Variants in DARS2 observed in about 807,000 individuals in gnomAD.
The protein encoded by DARS2 is aspartyl-tRNA synthetase 2, mitochondrial.
In DARS2, 63 loss-of-function variants were observed where a neutral mutation model predicts 83.0. That is an observed-to-expected ratio of 0.76 (90% confidence interval 0.62 to 0.94). The LOEUF is 0.94. Among genes scored for constraint, DARS2 ranks in the 40% least tolerant of loss-of-function variants. The pLI is 0.00. For missense variants in DARS2, 675 were observed against 774.4 expected, an observed-to-expected ratio of 0.87 and a Z score of 1.52; for synonymous variants, 250 against 269.3, an observed-to-expected ratio of 0.93 and a Z score of 0.70.
At position 173,825,351 on chromosome 1, in the gene DARS2, T is replaced by C; in HGVS notation, c.122T>C (p.Ile41Thr). The stretch of plus-strand genomic sequence containing the variant: ...CTGTTGCAGAGTTCACAGAGGAGAA[T>C]TCCAGGTGAAAATAGCGAAGAGATC... ...RSLLQSSQRR[I>T]PEFSSFVVRT... The change falls in exon 1 of 17, where the codon ATT becomes ACT. Residue 41 changes from isoleucine (I) to threonine (T), a missense_variant. Ile to Thr is a moderately conservative substitution (Grantham distance 89). Transcript: ENST00000649689. 6.2e-7 allele frequency: 1 copy of C among 1,613,170 alleles called. No individual in the cohort carries two copies. The highest frequency in any genetic ancestry group is 8.5e-7 in the Non-Finnish European group (1 of 1,179,492).
intron 13 of DARS2, among the ~76,000 whole-genome samples, chr1:173,851,068 T>C (rs1359435248): frequency 6.6e-6 from 1 of 151,782 alleles, no homozygotes. Flanking sequence ...TGAAACATCA[T>C]CTCTACTAAA....
intron 16 of DARS2, among the ~76,000 whole-genome samples, chr1:173,857,176 CCAA>C (rs992019025): frequency 6.6e-6 from 1 of 152,084 alleles, no homozygotes; most frequent in African/African-American, 2.4e-5. Context: ...ATTGTAGGCC[CCAA>C]CAACAGGGAC....
intron 7 of DARS2, among the ~76,000 whole-genome samples, chr1:173,834,735 T>G (rs1360815093): frequency 8.5e-5 from 6 of 70,504 alleles, no homozygotes; most frequent in African/African-American, 2.0e-4. Context: ...TTTTTTTGTT[T>G]TTTTTTTTTT....
At position 173,830,748 on chromosome 1, in the gene DARS2, G is replaced by A. The variant is rs773584613; in HGVS notation, c.383G>A (p.Gly128Glu). The A allele has an allele frequency of 3.1e-6, 5 of 1,613,760 alleles. No individual in the cohort carries two copies. The highest frequency in any genetic ancestry group is 4.2e-6 in the Non-Finnish European group (5 of 1,179,716). ...VSGTVISRPAGQENPKMPTGE... is the reference protein window; with the variant it reads ...VSGTVISRPAEQENPKMPTGE... ...GGTACAGTCATTTCCCGTCCTGCAG[G>A]ACAAGAGAATCCAGTAGGTAGTTTC... is the stretch of plus-strand genomic sequence containing the variant. The change falls in exon 4 of 17, where the codon GGA becomes GAA. Residue 128 changes from glycine (G) to glutamate (E), a missense_variant. Transcript: ENST00000649689.
At chr1:173,825,881 T>A (rs1030901190) in intron 1 of DARS2, among the ~76,000 whole-genome samples, 20 of 151,660 alleles carry the variant, frequency 1.3e-4, no homozygotes, top group Non-Finnish European at 2.8e-4. Context: ...CACAAAAAGG[T>A]AACCACGTAA....
intron 1 of DARS2, 64 bp downstream of exon 1, chr1:173,825,420 G>A: frequency 1.4e-6 from 2 of 1,463,388 alleles, no homozygotes; most frequent in South Asian, 1.3e-5. Context: ...CGGCCGGAGA[G>A]CTTTTATTCC....
At chr1:173,839,276 G>A in intron 9 of DARS2, 91 bp from the exon 10 acceptor site, 1 of 1,177,456 alleles carries the variant, frequency 8.5e-7, no homozygotes, top group Non-Finnish European at 1.2e-6. Context: ...TGTATTATGT[G>A]CAAAATTCTA....
intron 9 of DARS2, among the ~76,000 whole-genome samples, chr1:173,838,771 T>A (rs1653101530): frequency 6.6e-6 from 1 of 152,200 alleles, no homozygotes; most frequent in Non-Finnish European, 1.5e-5. Flanking sequence ...AGTCTCGCTC[T>A]GTCTCCCAGG....
At chr1:173,854,900 T>G (rs16846439) in intron 15 of DARS2, among the ~76,000 whole-genome samples, 32,304 of 152,056 alleles carry the variant, frequency 0.21, 3,702 homozygotes, top group Middle Eastern at 0.38. Flanking sequence ...CCTAAGAATT[T>G]GAAGTTTGTT....
chr1:173,832,312 A>G (rs1272468804), intron 5 of DARS2, among the ~76,000 whole-genome samples: 3 of 152,188 alleles, frequency 2.0e-5, no homozygotes, highest in Non-Finnish European at 4.4e-5. Context: ...TTAAGTTCTC[A>G]ATACTTAATT....
In DARS2 at chr1:173,857,552, T is replaced by A. The variant is rs756274465; in HGVS notation, c.1785T>A (p.Ser595=). The A allele has an allele frequency of 4.3e-6, 7 of 1,614,052 alleles. No individual in the cohort carries two copies. The South Asian group carries it at 6.6e-5, about 15-fold the overall frequency. ...LDRLICLVTG[S]PSIRDVIAFP... The stretch of plus-strand genomic sequence containing the variant: ...GACTGATATGCCTTGTCACTGGATC[T>A]CCAAGCATCAGAGATGTCATAGCCT... The change falls in exon 17 of 17, where the codon TCT becomes TCA. Residue 595 remains serine, a synonymous_variant. Coordinates refer to ENST00000649689, the MANE Select transcript of DARS2 (RefSeq NM_018122.5).
chr1:173,840,492 A>G (rs1653164117), intron 10 of DARS2, among the ~76,000 whole-genome samples: 1 of 152,178 alleles, frequency 6.6e-6, no homozygotes, highest in African/African-American at 2.4e-5. Flanking sequence ...TCAGCCTCCC[A>G]AAGTTCTGAG....
Position 173,828,368 on chromosome 1 carries a change from G to C in DARS2, c.263G>C (p.Gly88Ala). Residue 88 changes from glycine (G) to alanine (A), a missense_variant, in exon 3 of 17, where the codon GGG becomes GCG. Coordinates refer to ENST00000649689, the MANE Select transcript of DARS2 (RefSeq NM_018122.5). ...NTFLVLRDFD[G>A]LVQVIIPQDE... ...TTCTTGGTCCTAAGAGATTTCGATG[G>C]GCTTGTTCAAGTTATCATTCCCCAG... is the stretch of plus-strand genomic sequence containing the variant. The C allele has an allele frequency of 1.2e-6, 2 of 1,612,156 alleles. No homozygotes were observed. The highest frequency in any genetic ancestry group is 8.5e-7 in the Non-Finnish European group (1 of 1,179,438).
intron 6 of DARS2, 90 bp downstream of exon 6, chr1:173,833,589 G>C (rs1310583508): frequency 6.6e-7 from 1 of 1,521,712 alleles, no homozygotes; most frequent in African/African-American, 1.4e-5. Context: ...CTTAGCATGA[G>C]GTCAAGATGT....
intron 2 of DARS2, among the ~76,000 whole-genome samples, chr1:173,827,029 G>T (rs1652609169): frequency 6.6e-6 from 1 of 152,096 alleles, no homozygotes. Flanking sequence ...CTGTTGAAGG[G>T]TATAACAACG....
At chr1:173,830,595 A>G (rs1048699985) in intron 3 of DARS2, 65 bp from the exon 4 acceptor site, 8 of 1,319,920 alleles carry the variant, frequency 6.1e-6, no homozygotes, top group African/African-American at 1.4e-5. Flanking sequence ...CCATCTACTT[A>G]TAATTACTGA....
intron 1 of DARS2, among the ~76,000 whole-genome samples, chr1:173,825,719 T>C (rs1258075876): frequency 4.6e-5 from 7 of 151,038 alleles, no homozygotes; most frequent in Admixed American, 1.3e-4. Context: ...TCCACCCGCC[T>C]CCGCCTCCCA....
intron 12 of DARS2, among the ~76,000 whole-genome samples, chr1:173,846,808 A>T (rs1292403301): frequency 6.6e-6 from 1 of 152,174 alleles, no homozygotes; most frequent in Non-Finnish European, 1.5e-5. Flanking sequence ...AAAAAAAGGA[A>T]AGAATCTTAG....
At position 173,831,552 on chromosome 1, in the gene DARS2, G is replaced by A; in HGVS notation, c.414G>A (p.Glu138=). The A allele has an allele frequency of 6.2e-7, 1 of 1,613,986 alleles. No homozygotes were observed. Among genetic ancestry groups the A allele is most frequent in the Non-Finnish European group, 8.5e-7 (1 of 1,179,894 alleles). Residue 138 remains glutamate (E), a synonymous_variant, in exon 5 of 17, where the codon GAG becomes GAA. Coordinates refer to ENST00000649689, the MANE Select transcript of DARS2 (RefSeq NM_018122.5). ...TCTCCAAGAAAATGCCAACAGGTGA[G>A]ATTGAAATCAAAGTTAAAACAGCTG... ...GQENPKMPTG[E]IEIKVKTAEL...
Sources: allele counts gnomAD v4.1 joint callset (sites outside exome capture counted in the v4.1 genomes callset), GRCh38; gene constraint gnomAD v4.1.1; transcripts MANE v1.5; gene names NCBI Gene and HGNC (gene_info 2026-07-23, HGNC 2026-07-21).